Variants in DENND5B observed in about 807,000 individuals in gnomAD.
DENND5B encodes the protein DENN domain containing 5B.
In DENND5B, 34 loss-of-function variants were observed where a neutral mutation model predicts 140.6. That is an observed-to-expected ratio of 0.24 (90% confidence interval 0.18 to 0.32). The LOEUF (loss-of-function observed/expected upper bound fraction) is 0.32, where lower values mean the gene tolerates loss of function less well. Among genes scored for constraint, DENND5B ranks in the 10% least tolerant of loss-of-function variants. The pLI, the probability that DENND5B is intolerant of heterozygous loss-of-function variation, is 1.00. For synonymous variants in DENND5B, 551 were observed against 562.1 expected (o/e 0.98, Z 0.28); for missense variants, 1,142 against 1,560.2 (o/e 0.73, Z 4.52).
At chr12:31,541,046 A>AC (rs1948668111) in intron 1 of DENND5B, 2 of 445,412 alleles carry the variant, frequency 4.5e-6, no homozygotes, top group Non-Finnish European at 8.9e-6. Flanking sequence ...CCATATAAAA[A>AC]AAAAATCAAA....
At chr12:31,501,722 G>C (rs558532515) in intron 1 of DENND5B, among the ~76,000 whole-genome samples, 1 of 145,540 alleles carries the variant, frequency 6.9e-6, no homozygotes, top group South Asian at 2.2e-4. Context: ...GCAGTGAGCT[G>C]AGAACGCGCC....
At chr12:31,474,816 TAATAG>T (rs750820752) in intron 3 of DENND5B, among the ~76,000 whole-genome samples, 2 of 152,252 alleles carry the variant, frequency 1.3e-5, no homozygotes, top group Non-Finnish European at 2.9e-5. Flanking sequence ...TATTTTTCTC[TAATAG>T]AAGAGACATT....
chr12:31,586,275 T>C (rs1405038780), intron 1 of DENND5B, among the ~76,000 whole-genome samples: 1 of 152,196 alleles, frequency 6.6e-6, no homozygotes, highest in Non-Finnish European at 1.5e-5. Context: ...CAATAAAGAA[T>C]CTCGTTTTGA....
intron 3 of DENND5B, among the ~76,000 whole-genome samples, chr12:31,471,461 ATTTTTTTT>A (rs747862984): frequency 1.8e-5 from 2 of 111,934 alleles, no homozygotes; most frequent in Non-Finnish European, 3.4e-5. Context: ...CCATGCCTGT[ATTTTTTTT>A]TTTTTTTTTT....
intron 1 of DENND5B, among the ~76,000 whole-genome samples, chr12:31,513,372 C>G (rs1947501142): frequency 6.6e-6 from 1 of 152,168 alleles, no homozygotes; most frequent in Non-Finnish European, 1.5e-5. Flanking sequence ...CTACCCAACC[C>G]ACATTTTAGA....
chr12:31,485,119 G>C (rs571451402), intron 2 of DENND5B, among the ~76,000 whole-genome samples: 1 of 152,250 alleles, frequency 6.6e-6, no homozygotes, highest in Admixed American at 6.5e-5. Context: ...TCAGCAAATC[G>C]ATGAGATGCA....
intron 1 of DENND5B, among the ~76,000 whole-genome samples, chr12:31,575,891 G>A (rs765906494): frequency 1.3e-5 from 2 of 152,050 alleles, no homozygotes; most frequent in African/African-American, 2.4e-5. Context: ...ACTTGAACAC[G>A]GGAGGCGGAG....
rs539721580 is a variant in DENND5B, at chr12:31,481,986, G to A, written c.238-1731C>T. 1.3e-4 allele frequency among the ~76,000 whole-genome samples: 20 copies of A among 152,278 alleles called. No homozygotes were observed. The South Asian group carries it at 3.3e-3, about 25-fold the overall frequency. On this transcript the variant is annotated intron_variant, in intron 2 of 20. Coordinates refer to ENST00000389082, the MANE Select transcript of DENND5B (RefSeq NM_144973.4). ...ACATTCCACTTTCATTTATTCTGTA[G>A]AGTGGAATTCTTTCAGTGTTAAGAT...
intron 2 of DENND5B, among the ~76,000 whole-genome samples, chr12:31,490,236 G>A (rs1946472611): frequency 1.3e-5 from 2 of 151,854 alleles, no homozygotes; most frequent in Non-Finnish European, 1.5e-5. Context: ...TAAGGAAACG[G>A]GCGAGAGGAT....
chr12:31,429,711 G>T (rs973067435), intron 8 of DENND5B, among the ~76,000 whole-genome samples: 22 of 150,230 alleles, frequency 1.5e-4, no homozygotes, highest in African/African-American at 3.4e-4. Flanking sequence ...GCCCTGCCTG[G>T]TTTTTTTTGT....
intron 1 of DENND5B, among the ~76,000 whole-genome samples, chr12:31,511,921 CTTTTTTT>C (rs761566462): frequency 1.0e-5 from 1 of 98,944 alleles, no homozygotes; most frequent in East Asian, 3.1e-4. Context: ...CTCCACTGCC[CTTTTTTT>C]TTTTTTTTTT....
chr12:31,538,265 CACAAA>C (rs778710956), intron 1 of DENND5B, among the ~76,000 whole-genome samples: 11 of 152,132 alleles, frequency 7.2e-5, no homozygotes, highest in Admixed American at 5.9e-4. Flanking sequence ...TATGTTATGT[CACAAA>C]ACAAGTCTTA....
intron 19 of DENND5B, 130 bp from the exon 20 acceptor site, chr12:31,389,628 T>C (rs979944254): frequency 3.8e-6 from 3 of 796,176 alleles, no homozygotes; most frequent in South Asian, 2.5e-5. Flanking sequence ...CCAATATCAT[T>C]ACTTTATCAT....
intron 14 of DENND5B, 100 bp from the exon 15 acceptor site, chr12:31,402,743 G>T: frequency 7.2e-7 from 1 of 1,394,234 alleles, no homozygotes; most frequent in Admixed American, 2.4e-5. Flanking sequence ...TTGATAATTT[G>T]CTTTTTATGA....
At chr12:31,517,448 T>A (rs1280705828) in intron 1 of DENND5B, among the ~76,000 whole-genome samples, 3 of 152,224 alleles carry the variant, frequency 2.0e-5, no homozygotes, top group Non-Finnish European at 2.9e-5. Flanking sequence ...GTGAAAACCA[T>A]CTTAGCTGAG....
intron 17 of DENND5B, among the ~76,000 whole-genome samples, chr12:31,396,118 G>A (rs1941455091): frequency 7.3e-6 from 1 of 136,672 alleles, no homozygotes; most frequent in East Asian, 2.1e-4. Context: ...TGTAGTGCAT[G>A]TAGTGCAGTG....
chr12:31,409,269 T>C lies in DENND5B; in HGVS notation c.2797A>G (p.Thr933Ala). The C allele has an allele frequency of 2.5e-6, 4 of 1,573,910 alleles. No individual in the cohort carries two copies. Among genetic ancestry groups the C allele is most frequent in the Non-Finnish European group, 2.6e-6 (3 of 1,159,288 alleles). The change falls in exon 14 of 21, where the codon ACT becomes GCT. Residue 933 changes from threonine (T) to alanine (A), a missense_variant. Around this residue, in one of 5 missense-constraint regions of DENND5B, gnomAD observed 268 missense variants for 349.2 expected, o/e 0.77. Transcript: ENST00000389082. ...GTCAATTCTCTAGACTTACTGATAGTGGTGAACACACTGGTGAAGCAGAAA... is the reference window on the plus strand; with the variant it reads ...GTCAATTCTCTAGACTTACTGATAGCGGTGAACACACTGGTGAAGCAGAAA... ...DYFCFTSVFTTIMIPYRSVII... is the reference protein window; with the variant it reads ...DYFCFTSVFTAIMIPYRSVII...
chr12:31,549,257 T>C (rs1479112118), intron 1 of DENND5B, among the ~76,000 whole-genome samples: 1 of 152,146 alleles, frequency 6.6e-6, no homozygotes. Flanking sequence ...AGATAAAATG[T>C]AGCATCTGCC....
At chr12:31,533,321 A>G (rs1948357998) in intron 1 of DENND5B, among the ~76,000 whole-genome samples, 1 of 152,216 alleles carries the variant, frequency 6.6e-6, no homozygotes, top group Non-Finnish European at 1.5e-5. Flanking sequence ...AATACAGTAC[A>G]TGCTATTTAC....
Sources: gnomAD v4.1 joint callset for allele counts (sites outside exome capture counted in the v4.1 genomes callset) on GRCh38, gnomAD v4.1.1 for gene constraint, gnomAD v4.1.1 regional missense constraint, MANE v1.5 for transcripts, NCBI Gene and HGNC (gene_info 2026-07-23, HGNC 2026-07-21) for gene names.